The following FAM193A variants were observed in gnomAD, a reference collection of about 807,000 sequenced individuals.
The protein encoded by FAM193A is family with sequence similarity 193 member A, also known as protein FAM193A.
In FAM193A, 22 loss-of-function variants were observed where a neutral mutation model predicts 126.5. That is an observed-to-expected ratio of 0.17 (90% CI 0.12 to 0.25). The LOEUF (loss-of-function observed/expected upper bound fraction) is 0.25. FAM193A is among the 10% of genes least tolerant of loss of function. The pLI, the probability that FAM193A is intolerant of heterozygous loss-of-function variation, is 1.00. For missense variants in FAM193A, 1,675 were observed against 1,672.8 expected, an observed-to-expected ratio of 1.00 and a Z score of -0.02; for synonymous variants, 761 against 646.8, an observed-to-expected ratio of 1.18 and a Z score of -2.68.
intron 1 of FAM193A, among the ~76,000 whole-genome samples, chr4:2,545,770 C>G (rs1473038244): frequency 1.3e-5 from 2 of 152,208 alleles, no homozygotes; most frequent in African/African-American, 4.8e-5. Flanking sequence ...TAGCCTCAGC[C>G]TGTCCTGCTC....
rs561357133 is a variant in FAM193A at position 2,543,379 on chromosome 4, T to G, written c.255+6209T>G. On this transcript the variant is annotated intron_variant, in intron 1 of 20. Transcript: ENST00000637812. ...TAGGATTACGGTGTGAGCCACTGCA[T>G]TTGGCCACTACCTTGGGTTTCTTAA... Among the ~76,000 whole-genome samples the G allele has an allele frequency of 6.6e-5, 10 of 151,990 alleles. No homozygotes were observed. The East Asian group carries it at 1.9e-3, about 30-fold the overall frequency.
chr4:2,649,800 A>G (rs2109064454), intron 7 of FAM193A, among the ~76,000 whole-genome samples: 1 of 152,364 alleles, frequency 6.6e-6, no homozygotes, highest in African/African-American at 2.4e-5. Flanking sequence ...GACCAGTACT[A>G]GTCCATGGCC....
intron 6 of FAM193A, among the ~76,000 whole-genome samples, chr4:2,644,418 C>G (rs1278837655): frequency 6.6e-6 from 1 of 152,080 alleles, no homozygotes; most frequent in Non-Finnish European, 1.5e-5. Flanking sequence ...GAATGGAAAC[C>G]AGTCACGGAA....
At chr4:2,566,895 G>A (rs982562446) in intron 1 of FAM193A, among the ~76,000 whole-genome samples, 2 of 151,948 alleles carry the variant, frequency 1.3e-5, no homozygotes, top group Non-Finnish European at 1.5e-5. Flanking sequence ...GTAAGAACAA[G>A]GAACTCTGAT....
intron 18 of FAM193A, among the ~76,000 whole-genome samples, chr4:2,697,786 G>T (rs1717200745): frequency 6.6e-6 from 1 of 152,218 alleles, no homozygotes; most frequent in African/African-American, 2.4e-5. Context: ...TGCCCCAGAA[G>T]ACTAGAGACT....
intron 13 of FAM193A, among the ~76,000 whole-genome samples, chr4:2,676,481 A>C (rs231698): frequency 0.22 from 33,087 of 152,094 alleles, 4,235 homozygotes; most frequent in Middle Eastern, 0.33. Flanking sequence ...AGAAACATCT[A>C]TTCAAGTCCT....
At chr4:2,645,589 C>T (rs538167449) in intron 6 of FAM193A, among the ~76,000 whole-genome samples, 13 of 151,896 alleles carry the variant, frequency 8.6e-5, no homozygotes, top group East Asian at 1.9e-4. Context: ...TGCAGTGGCG[C>T]GATCTCGGCT....
intron 15 of FAM193A, among the ~76,000 whole-genome samples, chr4:2,691,795 A>T (rs909907131): frequency 2.0e-5 from 3 of 152,082 alleles, no homozygotes; most frequent in Non-Finnish European, 4.4e-5. Flanking sequence ...AAAAAGTTAA[A>T]AAAACAGGAA....
intron 1 of FAM193A, among the ~76,000 whole-genome samples, chr4:2,545,290 G>T (rs960088978): frequency 4.6e-5 from 7 of 152,200 alleles, no homozygotes; most frequent in Non-Finnish European, 8.8e-5. Flanking sequence ...ACCACGCCAG[G>T]CCCTCTCTTT....
Position 2,537,180 on chromosome 4 carries a change from G to T in FAM193A, c.255+10G>T. The T allele has an allele frequency of 5.1e-6, 1 of 194,992 alleles. No individual in the cohort carries two copies. The highest frequency in any genetic ancestry group is 1.8e-4 in the South Asian group (1 of 5,580). 12.1% of individuals were successfully genotyped at this position (194,992 alleles called of 1,614,324 possible). A position where few individuals can be genotyped will look rare whatever the true frequency, so the allele number is the denominator to read the frequency against. On this transcript the variant is annotated intron_variant, in intron 1 of 20. Coordinates refer to ENST00000637812, the MANE Select transcript of FAM193A (RefSeq NM_001366318.2). Reference sequence around the variant, plus strand: ...CGGAGGCTACTTCGAGGTAAGCGGCGGCAGCGGGCAGGGGTCGATGGCGGT... The same window carrying T: ...CGGAGGCTACTTCGAGGTAAGCGGCTGCAGCGGGCAGGGGTCGATGGCGGT...
intron 7 of FAM193A, 58 bp from the exon 8 acceptor site, chr4:2,657,745 A>G (rs1711883365): frequency 1.8e-6 from 2 of 1,087,070 alleles, no homozygotes; most frequent in Admixed American, 4.3e-5. Flanking sequence ...TGTCTTGTAT[A>G]ATTGTCGCAG....
intron 1 of FAM193A, among the ~76,000 whole-genome samples, chr4:2,540,417 G>A (rs1737157873): frequency 6.6e-6 from 1 of 152,040 alleles, no homozygotes. Flanking sequence ...GCAGTGAGCC[G>A]AGATGGCGCC....
At chr4:2,643,196 GC>G (rs1247217330) in intron 6 of FAM193A, among the ~76,000 whole-genome samples, 1 of 152,164 alleles carries the variant, frequency 6.6e-6, no homozygotes, top group African/African-American at 2.4e-5. Flanking sequence ...GTGCTCTGCA[GC>G]TGACTCCCTT....
At chr4:2,562,626 TC>T (rs1402334812) in intron 1 of FAM193A, among the ~76,000 whole-genome samples, 1 of 150,572 alleles carries the variant, frequency 6.6e-6, no homozygotes, top group East Asian at 1.9e-4. Flanking sequence ...GATCTGCATT[TC>T]CTTTTTTTGT....
At chr4:2,716,365 T>G (rs1719533861) in intron 20 of FAM193A, among the ~76,000 whole-genome samples, 7 of 145,012 alleles carry the variant, frequency 4.8e-5, no homozygotes, top group South Asian at 2.4e-4. Flanking sequence ...CCCCCCACCC[T>G]TCCCCGCCAA....
In FAM193A at chr4:2,659,622, C is replaced by T. The variant is rs1333437186; in HGVS notation, c.1454C>T (p.Ser485Leu). Reference protein sequence around the residue: ...NFTDTMRHMLSSRLSMPDCPN... With the variant: ...NFTDTMRHMLLSRLSMPDCPN... ...ACAGACACCATGAGGCACATGTTATCGTCCCGGCTGAGCATGCCCGACTGC... is the reference window on the plus strand; with the variant it reads ...ACAGACACCATGAGGCACATGTTATTGTCCCGGCTGAGCATGCCCGACTGC... The change falls in exon 9 of 21, where the codon TCG (serine) becomes TTG (leucine). Residue 485 changes from serine (S) to leucine (L), a missense_variant. Physicochemically the swap from Ser to Leu is moderately radical, Grantham distance 145. Around this residue, in one of 4 missense-constraint regions of FAM193A, gnomAD observed 1,186 missense variants for 1,109.2 expected, o/e 1.07. Coordinates refer to ENST00000637812, the MANE Select transcript of FAM193A (RefSeq NM_001366318.2). 16 of 1,614,010 alleles carry T rather than the reference C, an allele frequency of 9.9e-6. No homozygotes were observed. Among genetic ancestry groups the T allele is most frequent in the Admixed American group, 3.3e-5 (2 of 59,992 alleles).
chr4:2,629,227 A>AAAAAGAGATCTAAGTCCGAC (rs1560496892), intron 4 of FAM193A, among the ~76,000 whole-genome samples: 15 of 152,082 alleles, frequency 9.9e-5, no homozygotes. Flanking sequence ...GACAAAAAAA[A>AAAAAGAGATCTAAGTCCGAC]AAAAGAGATC....
At chr4:2,690,535 A>G (rs1175409998) in intron 14 of FAM193A, among the ~76,000 whole-genome samples, 163 bp from the exon 15 acceptor site, 1 of 152,142 alleles carries the variant, frequency 6.6e-6, no homozygotes, top group Non-Finnish European at 1.5e-5. Flanking sequence ...GCTCAATACA[A>G]TTTTTTCTTA....
chr4:2,596,758 C>T (rs1740891436), intron 2 of FAM193A, among the ~76,000 whole-genome samples: 1 of 82,186 alleles, frequency 1.2e-5, no homozygotes, highest in Non-Finnish European at 2.5e-5. Flanking sequence ...CCACAGCAGG[C>T]TTGGCTGGGA....
Sources: allele counts gnomAD v4.1 joint callset (sites outside exome capture counted in the v4.1 genomes callset), GRCh38; gene constraint gnomAD v4.1.1; regional missense constraint gnomAD v4.1.1; transcripts MANE v1.5; gene names NCBI Gene and HGNC (gene_info 2026-07-23, HGNC 2026-07-21).